The following IQANK1 variants were observed in gnomAD, a reference collection of about 807,000 sequenced individuals.
The protein encoded by IQANK1 is IQ motif and ankyrin repeat containing 1, also known as IQ motif and ankyrin repeat domain-containing protein 1.
IQANK1 carries 30 observed loss-of-function variants against 22.6 expected under a neutral mutation model. That is an observed-to-expected ratio of 1.33 (90% CI 0.99 to 1.80). The LOEUF is 1.80. IQANK1 is among the 40% of genes most tolerant of loss of function. IQANK1 has a pLI of 0.00. For missense variants in IQANK1, 275 were observed against 235.2 expected (o/e 1.17, Z -1.11); for synonymous variants, 122 against 99.6 (o/e 1.23, Z -1.34).
intron 3 of IQANK1, among the ~76,000 whole-genome samples, chr8:143,764,862 T>A (rs1587484068): frequency 6.6e-6 from 1 of 152,054 alleles, no homozygotes; most frequent in Non-Finnish European, 1.5e-5. Context: ...CTCTTAAAAA[T>A]TGTGTACAAA....
intron 3 of IQANK1, among the ~76,000 whole-genome samples, chr8:143,755,676 T>C (rs971390294): frequency 6.6e-6 from 1 of 152,326 alleles, no homozygotes; most frequent in South Asian, 2.1e-4. Context: ...AATAAATATT[T>C]TATAAACTCA....
chr8:143,768,727 ATATAT>A, intron 3 of IQANK1, among the ~76,000 whole-genome samples: 1 of 152,178 alleles, frequency 6.6e-6, no homozygotes, highest in Non-Finnish European at 1.5e-5. Flanking sequence ...TTGATGCTAA[ATATAT>A]TAAATTTTTC....
chr8:143,752,674 A>G (rs1471843082), intron 3 of IQANK1, among the ~76,000 whole-genome samples: 2 of 152,344 alleles, frequency 1.3e-5, no homozygotes, highest in East Asian at 3.9e-4. Flanking sequence ...AGATACACAA[A>G]TACTTACCAT....
intron 2 of IQANK1, among the ~76,000 whole-genome samples, chr8:143,737,871 C>G (rs2129750674): frequency 6.6e-6 from 1 of 152,374 alleles, no homozygotes; most frequent in East Asian, 1.9e-4. Flanking sequence ...TGCTCCTGGG[C>G]CAGGCACAGC....
intron 3 of IQANK1, among the ~76,000 whole-genome samples, chr8:143,767,877 C>CTTTTT (rs782768885): frequency 3.8e-5 from 3 of 78,788 alleles, no homozygotes; most frequent in African/African-American, 6.6e-5. Context: ...GGAGCGAGAC[C>CTTTTT]TTTTTTTTTT....
At chr8:143,743,804 T>C in intron 3 of IQANK1, 3 of 416,346 alleles carry the variant, frequency 7.2e-6, no homozygotes, top group Non-Finnish European at 1.4e-5. Flanking sequence ...TAGTTTCATA[T>C]ATTGTAGTTT....
chr8:143,751,776 G>A (rs184254166), intron 3 of IQANK1, among the ~76,000 whole-genome samples: 1 of 150,478 alleles, frequency 6.6e-6, no homozygotes, highest in East Asian at 1.9e-4. Flanking sequence ...TTACCATCTA[G>A]TGTCCTTTCA....
intron 7 of IQANK1, among the ~76,000 whole-genome samples, chr8:143,773,324 AACAC>A (rs368579818): frequency 8.4e-4 from 117 of 139,046 alleles, no homozygotes; most frequent in African/African-American, 3.3e-3. Flanking sequence ...AAACAAAAAA[AACAC>A]AAAAAAAACA....
At position 143,738,714 on chromosome 8, in the gene IQANK1, G is replaced by A. The variant is rs560541677; in HGVS notation, c.86-1145G>A. ...ATGCCCCCCGCCCCCGCCCCATCCC[G>A]GCTCCCCCGGTCCCACAGCTGGTCG... is the stretch of plus-strand genomic sequence containing the variant. On this transcript the variant is annotated intron_variant, in intron 2 of 13. Coordinates refer to ENST00000527139, the MANE Select transcript of IQANK1 (RefSeq NM_001381874.1). 2.0e-5 allele frequency among the ~76,000 whole-genome samples: 3 copies of A among 148,020 alleles called. No homozygotes were observed. The East Asian group carries it at 6.0e-4, about 30-fold the overall frequency.
intron 3 of IQANK1, chr8:143,742,072 C>A: frequency 3.4e-6 from 1 of 297,138 alleles, no homozygotes; most frequent in Non-Finnish European, 6.8e-6. Context: ...GCGGCCGACT[C>A]TCTCTAGGAG....
chr8:143,769,379 G>C (rs781903449), intron 3 of IQANK1, among the ~76,000 whole-genome samples: 2 of 151,236 alleles, frequency 1.3e-5, no homozygotes, highest in African/African-American at 4.9e-5. Context: ...TTTTTTTAAA[G>C]AGAGACAGGG....
chr8:143,740,706 G>C (rs533059920), intron 3 of IQANK1, among the ~76,000 whole-genome samples: 1 of 152,330 alleles, frequency 6.6e-6, no homozygotes, highest in East Asian at 1.9e-4. Flanking sequence ...TCCAGATGCA[G>C]GCCTGGCACC....
chr8:143,748,798 AAT>A (rs1195181695), intron 3 of IQANK1, among the ~76,000 whole-genome samples: 2 of 104,938 alleles, frequency 1.9e-5, no homozygotes, highest in Admixed American at 1.3e-4. Flanking sequence ...TAAATATATA[AAT>A]ATATATCATA....
chr8:143,748,988 TAAATATATATCATA>T (rs1481555548), intron 3 of IQANK1, among the ~76,000 whole-genome samples: 1 of 72,220 alleles, frequency 1.4e-5, no homozygotes, highest in Non-Finnish European at 2.5e-5. Flanking sequence ...ATATCATATA[TAAATATATATCATA>T]AATATATATC....
At chr8:143,751,782 T>C (rs528660797) in intron 3 of IQANK1, among the ~76,000 whole-genome samples, 1 of 150,908 alleles carries the variant, frequency 6.6e-6, no homozygotes, top group Non-Finnish European at 1.5e-5. Flanking sequence ...TCTAGTGTCC[T>C]TTCAACCTGC....
At chr8:143,760,949 G>A (rs559850911) in intron 3 of IQANK1, among the ~76,000 whole-genome samples, 1 of 152,194 alleles carries the variant, frequency 6.6e-6, no homozygotes, top group Non-Finnish European at 1.5e-5. Context: ...TTTGGACTTA[G>A]GAAGACTGCG....
intron 7 of IQANK1, among the ~76,000 whole-genome samples, chr8:143,783,734 T>C (rs1251989049): frequency 6.6e-6 from 1 of 152,218 alleles, no homozygotes; most frequent in Non-Finnish European, 1.5e-5. Context: ...TAGACTTCTG[T>C]GCGTTGTTTT....
At chr8:143,754,266 T>A (rs1476488138) in intron 3 of IQANK1, among the ~76,000 whole-genome samples, 1 of 152,172 alleles carries the variant, frequency 6.6e-6, no homozygotes, top group Non-Finnish European at 1.5e-5. Flanking sequence ...CATTGCTGCT[T>A]AACAAGTGGT....
chr8:143,780,982 G>T (rs1349853841), intron 7 of IQANK1, among the ~76,000 whole-genome samples: 1 of 152,120 alleles, frequency 6.6e-6, no homozygotes, highest in Non-Finnish European at 1.5e-5. Flanking sequence ...AACCTCACCA[G>T]CATCTGTTAT....
Sources: allele counts gnomAD v4.1 joint callset (sites outside exome capture counted in the v4.1 genomes callset), GRCh38; gene constraint gnomAD v4.1.1; transcripts MANE v1.5; gene names NCBI Gene and HGNC (gene_info 2026-07-23, HGNC 2026-07-21).